TNFRSF8: variants seen among roughly 807,000 people sequenced by gnomAD.
TNFRSF8 encodes tumor necrosis factor receptor superfamily member 8.
Under a neutral mutation model 70.8 loss-of-function variants are expected in TNFRSF8, and 26 were observed. The observed-to-expected ratio is 0.37, with a 90% confidence interval of 0.27 to 0.51. The LOEUF is 0.51. Among genes scored for constraint, TNFRSF8 ranks in the 20% least tolerant of loss-of-function variants. The pLI is 0.94. For missense variants in TNFRSF8, 720 were observed against 807.9 expected, an observed-to-expected ratio of 0.89 and a Z score of 1.32; for synonymous variants, 356 against 339.2, an observed-to-expected ratio of 1.05 and a Z score of -0.54.
chr1:12,112,006 G>T lies in TNFRSF8; in HGVS notation c.785G>T (p.Cys262Phe), dbSNP rs1306068917. The T allele has an allele frequency of 6.2e-7, 1 of 1,613,864 alleles. No individual in the cohort carries two copies. Among genetic ancestry groups the T allele is most frequent in the South Asian group, 1.1e-5 (1 of 91,058 alleles). ...GGCCGCTGCACGGCCTGCGTGAGCTGTTCTCGAGGTAAGGGCCTCGTCCCT... is the reference window on the plus strand; with the variant it reads ...GGCCGCTGCACGGCCTGCGTGAGCTTTTCTCGAGGTAAGGGCCTCGTCCCT... ...EAGRCTACVS[C>F]SRDDLVEKTP... Residue 262 changes from cysteine to phenylalanine, a missense_variant, in exon 7 of 15, where the codon TGT becomes TTT. Coordinates refer to ENST00000263932, the MANE Select transcript of TNFRSF8 (RefSeq NM_001243.5). The surrounding 1 kb of genome is among the most constrained non-coding windows in gnomAD (Gnocchi z 5.3).
chr1:12,130,947 G>A (rs1278940350), intron 12 of TNFRSF8, among the ~76,000 whole-genome samples: 1 of 152,218 alleles, frequency 6.6e-6, no homozygotes. Flanking sequence ...TTGTAACACG[G>A]CTCTTGTCAA....
At chr1:12,102,498 A>G (rs1055888674) in intron 3 of TNFRSF8, among the ~76,000 whole-genome samples, 3 of 151,908 alleles carry the variant, frequency 2.0e-5, no homozygotes, top group African/African-American at 4.8e-5. Flanking sequence ...TTACACATTA[A>G]TTATTAGTTT....
rs1005604818 is a variant in TNFRSF8, at chr1:12,110,572, T to C, written c.676+368T>C. Among the ~76,000 whole-genome samples the C allele has an allele frequency of 6.6e-6, 1 of 152,198 alleles. No homozygotes were observed. Among genetic ancestry groups the C allele is most frequent in the African/African-American group, 2.4e-5 (1 of 41,454 alleles). On this transcript the variant is annotated intron_variant, in intron 6 of 14. Transcript: ENST00000263932. This position sits in a 1 kb window ranked among gnomAD's most constrained non-coding sequence, Gnocchi z 4.0. The stretch of plus-strand genomic sequence containing the variant: ...CCATCTGATGCCCTCCTGGTCTCCA[T>C]GGCGAAGGGTCGACCCTCAGTCATT...
In TNFRSF8 at chr1:12,110,166, A is replaced by C; in HGVS notation, c.638A>C (p.Asp213Ala). 1 of 1,609,088 alleles carries C rather than the reference A, an allele frequency of 6.2e-7. No homozygotes were observed. The highest frequency in any genetic ancestry group is 1.1e-5 in the South Asian group (1 of 90,434). Reference protein sequence around the residue: ...EAASKLTRAPDSPSSVGRPSS... With the variant: ...EAASKLTRAPASPSSVGRPSS... ...GCTTCTAAACTGACGAGGGCTCCCG[A>C]CTCTCCCTCCTCTGTGGGAAGGCCT... is the stretch of plus-strand genomic sequence containing the variant. Residue 213 changes from aspartate to alanine, a missense_variant, in exon 6 of 15, where the codon GAC (aspartate) becomes GCC (alanine). Physicochemically the swap from Asp to Ala is moderately radical, Grantham distance 126 (BLOSUM62 -2). Transcript: ENST00000263932. This position sits in a 1 kb window ranked among gnomAD's most constrained non-coding sequence, Gnocchi z 4.0.
chr1:12,132,462 T>C (rs1642065406), intron 12 of TNFRSF8, among the ~76,000 whole-genome samples: 1 of 152,238 alleles, frequency 6.6e-6, no homozygotes, highest in Non-Finnish European at 1.5e-5. Context: ...TCTCCTGGGA[T>C]CTGTCTGATG....
chr1:12,123,929 G>A (rs895613350), intron 10 of TNFRSF8, 102 bp downstream of exon 10: 1 of 1,029,730 alleles, frequency 9.7e-7, no homozygotes, highest in Non-Finnish European at 1.4e-6. Context: ...TGTGGGTATG[G>A]TCTGAGAAGG....
chr1:12,125,778 T>C, intron 10 of TNFRSF8, 173 bp from the exon 11 acceptor site: 1 of 662,438 alleles, frequency 1.5e-6, no homozygotes, highest in Non-Finnish European at 2.7e-6. Flanking sequence ...ATCAGCTTCC[T>C]GGAGCCAGGC....
At chr1:12,090,870 T>C (rs775474286) in intron 2 of TNFRSF8, among the ~76,000 whole-genome samples, 2 of 152,210 alleles carry the variant, frequency 1.3e-5, no homozygotes, top group African/African-American at 4.8e-5. Context: ...ATTCCTATGT[T>C]GAAGTCTTAA....
At chr1:12,080,731 C>T (rs748243373) in intron 1 of TNFRSF8, among the ~76,000 whole-genome samples, 8 of 151,644 alleles carry the variant, frequency 5.3e-5, no homozygotes, top group Non-Finnish European at 1.2e-4. Context: ...CTAATTTTTT[C>T]GTATTTTTAG....
intron 2 of TNFRSF8, among the ~76,000 whole-genome samples, chr1:12,092,569 G>A (rs376970306): frequency 4.0e-5 from 6 of 148,560 alleles, no homozygotes; most frequent in East Asian, 3.9e-4. Flanking sequence ...TTGCAGTGGC[G>A]TGATCTCTGC....
chr1:12,085,852 G>T (rs1010927054), intron 2 of TNFRSF8, among the ~76,000 whole-genome samples: 6 of 152,210 alleles, frequency 3.9e-5, no homozygotes, highest in Admixed American at 3.9e-4. Flanking sequence ...CACCACCAGT[G>T]GTCTTAGATG....
intron 12 of TNFRSF8, 146 bp from the exon 13 acceptor site, chr1:12,135,442 C>A: frequency 1.8e-6 from 2 of 1,100,952 alleles, no homozygotes; most frequent in Non-Finnish European, 1.3e-6. Flanking sequence ...TGAAACCCAT[C>A]GAGGGCTCTC....
At chr1:12,080,715 T>A (rs1569993738) in intron 1 of TNFRSF8, among the ~76,000 whole-genome samples, 1 of 152,012 alleles carries the variant, frequency 6.6e-6, no homozygotes, top group Non-Finnish European at 1.5e-5. Context: ...CCACCACCAC[T>A]CCTGGCTAAT....
At chr1:12,101,745 A>G (rs1641427096) in intron 3 of TNFRSF8, among the ~76,000 whole-genome samples, 1 of 152,112 alleles carries the variant, frequency 6.6e-6, no homozygotes, top group African/African-American at 2.4e-5. Context: ...CAATGGCGCA[A>G]TCTCGGCTCA....
chr1:12,127,954 T>G (rs549961025), intron 12 of TNFRSF8, among the ~76,000 whole-genome samples: 38 of 152,268 alleles, frequency 2.5e-4, no homozygotes, highest in Non-Finnish European at 4.6e-4. Context: ...TTTTTGACCC[T>G]CTAGCTTCTG....
chr1:12,103,354 TA>T (rs201852756), intron 3 of TNFRSF8, among the ~76,000 whole-genome samples: 10,670 of 145,976 alleles, frequency 0.073, 402 homozygotes, highest in Non-Finnish European at 0.084. Context: ...GACTCTGTCT[TA>T]AAAAAAAAAA....
In TNFRSF8 at chr1:12,142,770, A is replaced by T; in HGVS notation, c.*239A>T. On this transcript the variant is annotated 3_prime_UTR_variant, in exon 15 of 15. Coordinates refer to ENST00000263932, the MANE Select transcript of TNFRSF8 (RefSeq NM_001243.5). This position sits in a 1 kb window ranked among gnomAD's most constrained non-coding sequence, Gnocchi z 5.0. ...GGGCTTGTACAGAAGAGACAGTCCA[A>T]GGGGACTGGATCCCAGCAGTGATGT... 1 of 535,918 alleles carries T rather than the reference A, an allele frequency of 1.9e-6. No individual in the cohort carries two copies. Among genetic ancestry groups the T allele is most frequent in the East Asian group, 3.1e-5 (1 of 32,428 alleles). The allele number at this position is 535,918 out of a possible 1,614,324, so 33.2% of individuals were successfully genotyped here.
intron 4 of TNFRSF8, 56 bp downstream of exon 4, chr1:12,104,587 T>C (rs1641487257): frequency 3.1e-6 from 5 of 1,601,852 alleles, no homozygotes; most frequent in African/African-American, 1.3e-5. Flanking sequence ...CTGCTGCACC[T>C]TCCGCCCACC....
intron 8 of TNFRSF8, among the ~76,000 whole-genome samples, chr1:12,123,039 G>A (rs559935144): frequency 1.3e-5 from 2 of 152,088 alleles, no homozygotes; most frequent in Non-Finnish European, 2.9e-5. Context: ...GTGTTGGTCA[G>A]GCTGGTCTCG....
Sources: allele counts gnomAD v4.1 joint callset (sites outside exome capture counted in the v4.1 genomes callset), GRCh38; gene constraint gnomAD v4.1.1; non-coding constraint Gnocchi (gnomAD v3.1); transcripts MANE v1.5; gene names NCBI Gene and HGNC (gene_info 2026-07-23, HGNC 2026-07-21).